The following CCHCR1 variants were observed in gnomAD, a reference collection of about 807,000 sequenced individuals.
The protein encoded by CCHCR1 is HCR (a-helix coiled-coil rod homologue).
Under a neutral mutation model 114.6 loss-of-function variants are expected in CCHCR1, and 91 were observed. The observed-to-expected ratio is 0.79, with a 90% CI of 0.67 to 0.94. The LOEUF is 0.94. Ranked by LOEUF, CCHCR1 falls within the 40% of genes least tolerant of loss-of-function variation. The pLI, the probability that CCHCR1 is intolerant of heterozygous loss-of-function variation, is 0.00. For missense variants in CCHCR1, 899 were observed against 1,079.9 expected (o/e 0.83, Z 2.35); for synonymous variants, 379 against 428.5 (o/e 0.88, Z 1.43).
chr6:31,157,072 C>T lies in CCHCR1; in HGVS notation c.234G>A (p.Trp78Ter), dbSNP rs3130453. ...NLRRRGNIDG[W>*]RQNLEPSNNV... Reference sequence around the variant, plus strand: ...TATTTGAAGGCTCTAGATTCTGTCTCCAGCCATCTATGTTCCCCTGGACAA... The same window carrying T: ...TATTTGAAGGCTCTAGATTCTGTCTTCAGCCATCTATGTTCCCCTGGACAA... Residue 78 changes from tryptophan to a stop codon, truncating the protein, a stop_gained, in exon 2 of 18, where the codon TGG becomes TGA. Transcript: ENST00000396268. LOFTEE classifies it high-confidence loss of function. 0.48 allele frequency: 773,179 copies of T among 1,608,130 alleles called. 187,598 individuals are homozygous for T. Among genetic ancestry groups the T allele is most frequent in the Middle Eastern group, 0.52 (3,173 of 6,048 alleles).
In CCHCR1 at chr6:31,148,693, G is replaced by A. The variant is rs1395277151; in HGVS notation, c.1398C>T (p.Ser466=). The change falls in exon 9 of 18, where the codon AGC becomes AGT. Residue 466 remains serine (S), a synonymous_variant. Coordinates refer to ENST00000396268, the MANE Select transcript of CCHCR1 (RefSeq NM_001105564.2). ...ATCGCTGCAGGATGGCCTGCTCCTG[G>A]CTCTGGGATGTCACTTTTTCCTGGA... ...ASLQEKVTSQ[S]QEQAILQRSL... 2 of 1,612,870 alleles carry A rather than the reference G, an allele frequency of 1.2e-6. No homozygotes were observed. The highest frequency in any genetic ancestry group is 2.7e-5 in the African/African-American group (2 of 75,044).
chr6:31,156,780 A>C lies in CCHCR1; in HGVS notation c.448T>G (p.Trp150Gly), dbSNP rs1470206236. Reference sequence around the variant, plus strand: ...CTGTCACTGGAAACATCCCGTTCCCACATGGTCACTTGAGGTCTCTGGGTG... The same window carrying C: ...CTGTCACTGGAAACATCCCGTTCCCCCATGGTCACTTGAGGTCTCTGGGTG... ...LDTQRPQVTM[W>G]ERDVSSDRQE... Residue 150 changes from tryptophan to glycine, a missense_variant, in exon 3 of 18, where the codon TGG becomes GGG. Transcript: ENST00000396268. 6.2e-7 allele frequency: 1 copy of C among 1,612,892 alleles called. No homozygotes were observed. The highest frequency in any genetic ancestry group is 8.5e-7 in the Non-Finnish European group (1 of 1,180,012).
In CCHCR1 at chr6:31,150,192, C is replaced by T; in HGVS notation, c.1236G>A (p.Glu412=). Residue 412 remains glutamate (E), a synonymous_variant, in exon 8 of 18, where the codon GAG becomes GAA. Coordinates refer to ENST00000396268, the MANE Select transcript of CCHCR1 (RefSeq NM_001105564.2). The surrounding 1 kb of genome is among the most constrained non-coding windows in gnomAD (Gnocchi z 5.3). ...TRKVQPSDSL[E]PEFTRKCQSL... Reference sequence around the variant, plus strand: ...ACTGGCACTTCCTGGTAAACTCAGGCTCCAGGGAATCTGAAGGTTGAACCT... The same window carrying T: ...ACTGGCACTTCCTGGTAAACTCAGGTTCCAGGGAATCTGAAGGTTGAACCT... The T allele has an allele frequency of 6.2e-7, 1 of 1,614,196 alleles. No individual in the cohort carries two copies. Among genetic ancestry groups the T allele is most frequent in the Admixed American group, 1.7e-5 (1 of 60,028 alleles).
intron 9 of CCHCR1, 24 bp downstream of exon 9, chr6:31,148,594 A>T (rs771750758): frequency 6.2e-7 from 1 of 1,600,262 alleles, no homozygotes; most frequent in Admixed American, 1.7e-5. Context: ...GCCCTCCCCG[A>T]GTCTCTAGTA....
rs780312235 is a variant in CCHCR1, at chr6:31,143,328, C to G, written c.2253G>C (p.Arg751=). Residue 751 remains arginine, a synonymous_variant, in exon 16 of 18, where the codon CGG becomes CGC. Transcript: ENST00000396268. This position sits in a 1 kb window ranked among gnomAD's most constrained non-coding sequence, Gnocchi z 5.3. ...QELRRLQEEA[R]KEEGQRLARR... ...GGGCCAGTCGCTGCCCCTCCTCCTT[C>G]CGGGCCTCCTCCTGCAGACGCCTGA... The G allele has an allele frequency of 6.2e-7, 1 of 1,612,968 alleles. No homozygotes were observed. The highest frequency in any genetic ancestry group is 8.5e-7 in the Non-Finnish European group (1 of 1,180,036).
At position 31,151,126 on chromosome 6, in the gene CCHCR1, C is replaced by G. The variant is rs74705176; in HGVS notation, c.802-4G>C. The G allele has an allele frequency of 6.8e-6, 11 of 1,610,622 alleles. No individual in the cohort carries two copies. The highest frequency in any genetic ancestry group is 9.3e-6 in the Non-Finnish European group (11 of 1,178,944). ...GAGCCTGTGTCAAAGAGGACAGCTG[C>G]GGAAAGAAGAGGGGGCTCAGCAGAG... On this transcript the variant is annotated splice_polypyrimidine_tract_variant and splice_region_variant and intron_variant, in intron 4 of 17. Coordinates refer to ENST00000396268, the MANE Select transcript of CCHCR1 (RefSeq NM_001105564.2). The surrounding 1 kb of genome is among the most constrained non-coding windows in gnomAD (Gnocchi z 4.1).
In CCHCR1 at chr6:31,144,533, T is replaced by C; in HGVS notation, c.2167+154A>G. On this transcript the variant is annotated intron_variant, in intron 15 of 17. Coordinates refer to ENST00000396268, the MANE Select transcript of CCHCR1 (RefSeq NM_001105564.2). This position sits in a 1 kb window ranked among gnomAD's most constrained non-coding sequence, Gnocchi z 4.6. ...TAATCTGGTGCTGGCTACATGGGTG[T>C]GTTCACGATGTGATAATTCATCTGT... 3 of 636,920 alleles carry C rather than the reference T, an allele frequency of 4.7e-6. No individual in the cohort carries two copies. The highest frequency in any genetic ancestry group is 2.0e-5 in the South Asian group (1 of 49,038). The allele number at this position is 636,920 out of a possible 1,614,324, so 39.5% of individuals were successfully genotyped here.
At chr6:31,147,874 G>A (rs1934366743) in intron 10 of CCHCR1, among the ~76,000 whole-genome samples, 1 of 152,080 alleles carries the variant, frequency 6.6e-6, no homozygotes, top group South Asian at 2.1e-4. Context: ...AGCTACTCGG[G>A]AGGCTGAGGC....
In CCHCR1 at chr6:31,150,982, G is replaced by A. The variant is rs767710720; in HGVS notation, c.942C>T (p.Ala314=). 5 of 1,612,686 alleles carry A rather than the reference G, an allele frequency of 3.1e-6. No individual in the cohort carries two copies. Among genetic ancestry groups the A allele is most frequent in the East Asian group, 2.2e-5 (1 of 44,882 alleles). Residue 314 remains alanine (A), a synonymous_variant, in exon 5 of 18, where the codon GCC becomes GCT. Coordinates refer to ENST00000396268, the MANE Select transcript of CCHCR1 (RefSeq NM_001105564.2). The surrounding 1 kb of genome is among the most constrained non-coding windows in gnomAD (Gnocchi z 5.3). ...ACCTCAGCTGCTTCCGAAGCAGCTC[G>A]GCCTCCCTCTGAGCCTCGGCCAGCT... ...AKELAEAQRE[A]ELLRKQLSKT... is the part of the protein sequence containing the mutation.
rs1775276044 is a variant in CCHCR1, at chr6:31,151,873, CCCA to C, written c.802-754_802-752del. 6.6e-6 allele frequency among the ~76,000 whole-genome samples: 1 copy of C among 152,104 alleles called. No homozygotes were observed. Among genetic ancestry groups the C allele is most frequent in the Non-Finnish European group, 1.5e-5 (1 of 68,018 alleles). ...ATGGACTGGAAAGGAGGGCAAAGTG[CCCA>C]CCCTGCTTCCTGGTCTGCCTCCTCT... On this transcript the variant is annotated intron_variant, in intron 4 of 17. Coordinates refer to ENST00000396268, the MANE Select transcript of CCHCR1 (RefSeq NM_001105564.2). The surrounding 1 kb of genome is among the most constrained non-coding windows in gnomAD (Gnocchi z 4.1).
intron 13 of CCHCR1, 43 bp from the exon 14 acceptor site, chr6:31,145,116 A>G (rs759682734): frequency 1.9e-6 from 3 of 1,605,524 alleles, no homozygotes; most frequent in Non-Finnish European, 2.5e-6. Flanking sequence ...CCAGCACCCT[A>G]GACACCGGGT....
chr6:31,143,347 C>A lies in CCHCR1; in HGVS notation c.2234G>T (p.Arg745Leu), dbSNP rs570019609. The change falls in exon 16 of 18, where the codon CGT becomes CTT. Residue 745 changes from arginine to leucine, a missense_variant. Arg to Leu is a moderately radical substitution (Grantham distance 102, BLOSUM62 -2). Transcript: ENST00000396268. The surrounding 1 kb of genome is among the most constrained non-coding windows in gnomAD (Gnocchi z 5.3). ...QEKERSQELR[R>L]LQEEARKEEG... The stretch of plus-strand genomic sequence containing the variant: ...CTCCTTCCGGGCCTCCTCCTGCAGA[C>A]GCCTGAGTTCCTGGCTCCGCTCCTT... 29 of 1,612,974 alleles carry A rather than the reference C, an allele frequency of 1.8e-5. No homozygotes were observed. In the African/African-American group the frequency reaches 3.5e-4, roughly 19 times the overall value.
chr6:31,147,103 C>T (rs1011555432), intron 10 of CCHCR1, among the ~76,000 whole-genome samples: 1 of 152,044 alleles, frequency 6.6e-6, no homozygotes, highest in African/African-American at 2.4e-5. Flanking sequence ...AGAGACTGTG[C>T]TAAGAACTAC....
At chr6:31,147,159 G>C (rs572526805) in intron 10 of CCHCR1, among the ~76,000 whole-genome samples, 2 of 152,228 alleles carry the variant, frequency 1.3e-5, no homozygotes, top group African/African-American at 4.8e-5. Flanking sequence ...CCAGCACTTT[G>C]GGAGGCCGAG....
chr6:31,152,281 C>CAA (rs9281230), intron 4 of CCHCR1, among the ~76,000 whole-genome samples: 33,965 of 123,554 alleles, frequency 0.27, 4,622 homozygotes, highest in Middle Eastern at 0.41. Context: ...GACTCCATCT[C>CAA]AAAAAAAAAA....
chr6:31,157,512 C>G lies in CCHCR1; in HGVS notation c.89G>C (p.Gly30Ala). Reference sequence around the variant, plus strand: ...TGGCTCAGCAAGGCCTGAGGGAAGCCCATCCAGACACCAGCAGGCCATGAC... The same window carrying G: ...TGGCTCAGCAAGGCCTGAGGGAAGCGCATCCAGACACCAGCAGGCCATGAC... ...PRVMACWCLD[G>A]LPSGLAEPWR... Residue 30 changes from glycine to alanine, a missense_variant, in exon 1 of 18, where the codon GGG (glycine) becomes GCG (alanine). Physicochemically the swap from Gly to Ala is moderately conservative, Grantham distance 60 (BLOSUM62 0). Transcript: ENST00000396268. 3 of 1,613,002 alleles carry G rather than the reference C, an allele frequency of 1.9e-6. No individual in the cohort carries two copies. Among genetic ancestry groups the G allele is most frequent in the Non-Finnish European group, 2.5e-6 (3 of 1,180,010 alleles).
At position 31,146,163 on chromosome 6, in the gene CCHCR1, T is replaced by A. The variant is rs746646; in HGVS notation, c.1581-355A>T. Among the ~76,000 whole-genome samples, 4 of 151,820 alleles carry A rather than the reference T, an allele frequency of 2.6e-5. No homozygotes were observed. In the South Asian group the frequency reaches 8.3e-4, roughly 32 times the overall value. On this transcript the variant is annotated intron_variant, in intron 10 of 17. Transcript: ENST00000396268. Reference sequence around the variant, plus strand: ...GAATTGGAGACTAGCCTGGCCAACATGGTGAAACTCTCTCTACTTAAAAAC... The same window carrying A: ...GAATTGGAGACTAGCCTGGCCAACAAGGTGAAACTCTCTCTACTTAAAAAC...
Position 31,144,842 on chromosome 6 carries a change from C to T in CCHCR1, c.2065+43G>A, listed in dbSNP as rs1225734762. 1 of 1,608,856 alleles carries T rather than the reference C, an allele frequency of 6.2e-7. No individual in the cohort carries two copies. The highest frequency in any genetic ancestry group is 1.1e-5 in the South Asian group (1 of 90,976). ...CAGCAGGAGCTTTGATTCGCAGTTC[C>T]CACCCCACCCTCCAAGGGAAGCACC... On this transcript the variant is annotated intron_variant, in intron 14 of 17. Transcript: ENST00000396268. The surrounding 1 kb of genome is among the most constrained non-coding windows in gnomAD (Gnocchi z 4.6).
intron 8 of CCHCR1, 129 bp from the exon 9 acceptor site, chr6:31,148,857 G>GGGGGGGGC: frequency 3.6e-5 from 3 of 84,500 alleles, no homozygotes; most frequent in South Asian, 4.0e-4. Flanking sequence ...GGGGGGGCGG[G>GGGGGGGGC]CGACGGGGGT....
Sources: allele counts gnomAD v4.1 joint callset (sites outside exome capture counted in the v4.1 genomes callset), GRCh38; gene constraint gnomAD v4.1.1; non-coding constraint Gnocchi (gnomAD v3.1); transcripts MANE v1.5; gene names NCBI Gene and HGNC (gene_info 2026-07-23, HGNC 2026-07-21).